The following TMEM243 variants were observed in gnomAD, a reference collection of about 807,000 sequenced individuals.
The protein encoded by TMEM243 is MDR1 and mitochondrial taxol resistance associated.
A neutral mutation model predicts 15.0 loss-of-function variants in TMEM243; 20 were observed. The ratio of observed to expected loss-of-function variants is 1.33; its 90% CI spans 0.94 to 1.93. TMEM243 has a LOEUF of 1.93. TMEM243 is among the 30% of genes most tolerant of loss of function. The pLI, the probability that TMEM243 is intolerant of heterozygous loss-of-function variation, is 0.00. For synonymous variants in TMEM243, 72 were observed against 52.7 expected, an observed-to-expected ratio of 1.37 and a Z score of -1.59; for missense variants, 156 against 142.1, an observed-to-expected ratio of 1.10 and a Z score of -0.50.
chr7:87,213,474 A>AAAT (rs1802899702), intron 1 of TMEM243, among the ~76,000 whole-genome samples: 1 of 152,234 alleles, frequency 6.6e-6, no homozygotes, highest in South Asian at 2.1e-4. Context: ...TATCTAGAGG[A>AAAT]AATAAACTAA....
chr7:87,210,312 C>T (rs996675976), intron 1 of TMEM243, among the ~76,000 whole-genome samples: 11 of 152,148 alleles, frequency 7.2e-5, no homozygotes, highest in Non-Finnish European at 1.5e-4. Flanking sequence ...CCTCCGAAAC[C>T]TCATGTCCTT....
chr7:87,197,940 C>G lies in TMEM243; in HGVS notation c.234+1G>C. 6.2e-7 allele frequency: 1 copy of G among 1,612,982 alleles called. No homozygotes were observed. The highest frequency in any genetic ancestry group is 8.5e-7 in the Non-Finnish European group (1 of 1,179,340). The stretch of plus-strand genomic sequence containing the variant: ...CTGTTTAAATTCTCAACAGTACTTA[C>G]AAGTATGCAGGCAGTAATACTACTC... On this transcript the variant is annotated splice_donor_variant, in intron 3 of 3. Transcript: ENST00000257637. LOFTEE classifies it high-confidence loss of function.
chr7:87,216,332 G>C (rs867762429), intron 1 of TMEM243, among the ~76,000 whole-genome samples: 28 of 150,752 alleles, frequency 1.9e-4, no homozygotes, highest in African/African-American at 6.3e-4. Context: ...TATAGTCCCA[G>C]CTACTCAGGA....
Position 87,196,645 on chromosome 7 carries a change from C to T in TMEM243, c.348G>A (p.Val116=). ...CTTCTCCTTGGCAGCCTCACCTTCC[C>T]ACATCATGGAAGTACAGGTTTGCAC... ...CICANLYFHD[V]GR is the part of the protein sequence containing the mutation. The change falls in exon 4 of 4, where the codon GTG becomes GTA. Residue 116 remains valine, a synonymous_variant. Coordinates refer to ENST00000257637, the MANE Select transcript of TMEM243 (RefSeq NM_024315.4). The T allele has an allele frequency of 6.2e-7, 1 of 1,608,282 alleles. No individual in the cohort carries two copies. The highest frequency in any genetic ancestry group is 8.5e-7 in the Non-Finnish European group (1 of 1,177,564).
rs745666137 is a variant in TMEM243, at chr7:87,196,751, CAGT to C, written c.239_241del (p.Tyr80del). 1.3e-6 allele frequency: 2 copies of C among 1,548,132 alleles called. No homozygotes were observed. The highest frequency in any genetic ancestry group is 1.8e-6 in the Non-Finnish European group (2 of 1,139,524). On this transcript the variant is annotated inframe_deletion, in exon 4 of 4. Coordinates refer to ENST00000257637, the MANE Select transcript of TMEM243 (RefSeq NM_024315.4). ...CGGTTCTAAGTCTCCTTGTCGATAC[CAGT>C]AGATCTAAAAGAAGAATTAAAGTTT... is the stretch of plus-strand genomic sequence containing the variant.
chr7:87,216,893 A>C (rs1250238885), intron 1 of TMEM243: 1 of 152,202 alleles, frequency 6.6e-6, no homozygotes, highest in Non-Finnish European at 1.5e-5. Flanking sequence ...TTACCAGAGG[A>C]AACTACTTGT....
At chr7:87,216,128 G>T (rs967135868) in intron 1 of TMEM243, among the ~76,000 whole-genome samples, 2 of 152,114 alleles carry the variant, frequency 1.3e-5, no homozygotes, top group African/African-American at 4.8e-5. Context: ...AAAAAAATTA[G>T]CCAGGTGTGG....
intron 1 of TMEM243, among the ~76,000 whole-genome samples, chr7:87,215,295 G>A (rs1482804661): frequency 6.6e-6 from 1 of 152,048 alleles, no homozygotes; most frequent in Non-Finnish European, 1.5e-5. Flanking sequence ...TGTGTGACAG[G>A]ATCTCATTTT....
In TMEM243 at chr7:87,205,891, T is replaced by G. The variant is rs1247421650; in HGVS notation, c.79-6834A>C. On this transcript the variant is annotated intron_variant, in intron 1 of 3. Coordinates refer to ENST00000257637, the MANE Select transcript of TMEM243 (RefSeq NM_024315.4). ...AGTTGCTTCCACATTCTCGGGTATC[T>G]TTACAGCAGCACCCCACTCCTGGTA... Among the ~76,000 whole-genome samples the G allele has an allele frequency of 2.6e-5, 4 of 152,294 alleles. No homozygotes were observed. In the East Asian group the frequency reaches 7.7e-4, roughly 29 times the overall value.
intron 1 of TMEM243, among the ~76,000 whole-genome samples, chr7:87,214,769 C>T (rs925353031): frequency 2.6e-5 from 4 of 152,156 alleles, no homozygotes; most frequent in African/African-American, 9.7e-5. Flanking sequence ...GGACCAGAAG[C>T]GTTTCTGATT....
Position 87,198,758 on chromosome 7 carries a change from TTACA to T in TMEM243, c.129+245_129+248del, listed in dbSNP as rs936319612. The T allele has an allele frequency of 6.1e-6, 3 of 489,642 alleles. No homozygotes were observed. In the Admixed American group the frequency reaches 1.2e-4, roughly 19 times the overall value. The allele number at this position is 489,642 out of a possible 1,614,324, so 30.3% of individuals were successfully genotyped here. On this transcript the variant is annotated intron_variant, in intron 2 of 3. Coordinates refer to ENST00000257637, the MANE Select transcript of TMEM243 (RefSeq NM_024315.4). ...AAGTGGCTACTAGCCACTGACATTTTTACAAATTTACTAGGCAAAACATGGTAAA... is the reference window on the plus strand; with the variant it reads ...AAGTGGCTACTAGCCACTGACATTTTAATTTACTAGGCAAAACATGGTAAA...
intron 1 of TMEM243, chr7:87,218,482 G>A (rs1803264864): frequency 6.6e-6 from 1 of 152,166 alleles, no homozygotes; most frequent in Admixed American, 6.5e-5. Flanking sequence ...CTATCTGCTG[G>A]AGGGCTCCTG....
intron 1 of TMEM243, among the ~76,000 whole-genome samples, chr7:87,205,261 T>C (rs188477293): frequency 8.9e-4 from 136 of 152,220 alleles, no homozygotes; most frequent in Non-Finnish European, 1.6e-3. Context: ...TGGAGACATT[T>C]TCCCCATTGT....
At position 87,201,318 on chromosome 7, in the gene TMEM243, G is replaced by A. The variant is rs150482378; in HGVS notation, c.79-2261C>T. 1.3e-3 allele frequency among the ~76,000 whole-genome samples: 196 copies of A among 152,222 alleles called. 1 individual carries two copies. The East Asian group carries it at 0.025, about 20-fold the overall frequency. ...AGTGTAGTCTATGAACCAGCACATCGGCCTCACCTGAGAGAACTGCAAGAA... is the reference window on the plus strand; with the variant it reads ...AGTGTAGTCTATGAACCAGCACATCAGCCTCACCTGAGAGAACTGCAAGAA... On this transcript the variant is annotated intron_variant, in intron 1 of 3. Transcript: ENST00000257637.
At chr7:87,214,474 T>G (rs914698345) in intron 1 of TMEM243, among the ~76,000 whole-genome samples, 2 of 152,140 alleles carry the variant, frequency 1.3e-5, no homozygotes, top group African/African-American at 4.8e-5. Flanking sequence ...CAAAGTATAT[T>G]CTGCAGAAAC....
In TMEM243 at chr7:87,217,726, C is replaced by T. The variant is rs571650087; in HGVS notation, c.78+1700G>A. ...CTATTATTACAATGCCCTAAAGTTT[C>T]CTAAATAATCCCAGTGTGATATATT... On this transcript the variant is annotated intron_variant, in intron 1 of 3. Transcript: ENST00000257637. Among the ~76,000 whole-genome samples, 5 of 152,308 alleles carry T rather than the reference C, an allele frequency of 3.3e-5. 1 individual carries two copies. The highest frequency in any genetic ancestry group is 1.2e-4 in the African/African-American group (5 of 41,560).
chr7:87,218,892 G>A (rs1803291203), intron 1 of TMEM243, among the ~76,000 whole-genome samples: 1 of 152,170 alleles, frequency 6.6e-6, no homozygotes, highest in South Asian at 2.1e-4. Flanking sequence ...ATGGTAGCCT[G>A]TTCAGGTTCA....
chr7:87,219,351 G>T, intron 1 of TMEM243, 75 bp downstream of exon 1: 2 of 1,449,966 alleles, frequency 1.4e-6, no homozygotes, highest in Non-Finnish European at 1.9e-6. Flanking sequence ...GCAGAAAGAC[G>T]CAGCCCGGAC....
chr7:87,197,673 T>TAC (rs1362987174), intron 3 of TMEM243: 23 of 1,294,746 alleles, frequency 1.8e-5, no homozygotes, highest in Admixed American at 3.4e-5. Flanking sequence ...TTTGGCCACC[T>TAC]ACGTCTTTCC....
Sources: gnomAD v4.1 joint callset for allele counts (sites outside exome capture counted in the v4.1 genomes callset) on GRCh38, gnomAD v4.1.1 for gene constraint, MANE v1.5 for transcripts, NCBI Gene and HGNC (gene_info 2026-07-23, HGNC 2026-07-21) for gene names.